Variants in KCNH5 observed in about 807,000 individuals in gnomAD.
KCNH5 encodes voltage-gated delayed rectifier potassium channel KCNH5.
A neutral mutation model predicts 96.1 loss-of-function variants in KCNH5; 46 were observed. That is an observed-to-expected ratio of 0.48 (90% confidence interval 0.38 to 0.61). The LOEUF is 0.61. Among genes scored for constraint, KCNH5 ranks in the 20% least tolerant of loss-of-function variants. The probability of loss-of-function intolerance (pLI) is 0.00; values close to 1 mark genes in which losing one functional copy is unlikely to be tolerated. For synonymous variants in KCNH5, 439 were observed against 449.8 expected (o/e 0.98, Z 0.30); for missense variants, 907 against 1,225.8 (o/e 0.74, Z 3.88).
intron 8 of KCNH5, among the ~76,000 whole-genome samples, chr14:62,831,619 A>G (rs1033653220): frequency 2.6e-5 from 4 of 152,150 alleles, no homozygotes; most frequent in Non-Finnish European, 5.9e-5. Context: ...TGTGTTGCTA[A>G]TGCTTTACTG....
chr14:62,820,571 A>G lies in KCNH5; in HGVS notation c.1570-17990T>C, dbSNP rs564326579. Among the ~76,000 whole-genome samples the G allele has an allele frequency of 7.2e-5, 11 of 152,144 alleles. No homozygotes were observed. The South Asian group carries it at 1.7e-3, about 23-fold the overall frequency. On this transcript the variant is annotated intron_variant, in intron 8 of 10. Transcript: ENST00000322893. ...TGTGCTCATCATTTAGCTCTCCCTT[A>G]TAAGTGAGAACATGCAGTATTTGGT...
rs189427138 is a variant in KCNH5 at position 62,952,375 on chromosome 14, G to A, written c.943-1816C>T. Reference sequence around the variant, plus strand: ...GAAGGCTTGAAAGCTTTCAAAAATGGAACAGTGCAGTCATCAACAAGTAAT... The same window carrying A: ...GAAGGCTTGAAAGCTTTCAAAAATGAAACAGTGCAGTCATCAACAAGTAAT... On this transcript the variant is annotated intron_variant, in intron 6 of 10. Coordinates refer to ENST00000322893, the MANE Select transcript of KCNH5 (RefSeq NM_139318.5). 3.6e-3 allele frequency among the ~76,000 whole-genome samples: 555 copies of A among 152,238 alleles called. 5 individuals are homozygous for A. Among genetic ancestry groups the A allele is most frequent in the Middle Eastern group, 6.8e-3 (2 of 294 alleles).
intron 7 of KCNH5, among the ~76,000 whole-genome samples, chr14:62,913,077 T>C (rs1172982388): frequency 6.6e-6 from 1 of 152,212 alleles, no homozygotes; most frequent in Non-Finnish European, 1.5e-5. Flanking sequence ...AATTTTTGTC[T>C]AAGGAGTCAA....
At chr14:62,964,712 T>C (rs1412096402) in intron 6 of KCNH5, among the ~76,000 whole-genome samples, 4 of 152,154 alleles carry the variant, frequency 2.6e-5, no homozygotes, top group Non-Finnish European at 4.4e-5. Flanking sequence ...CAGGAATGTC[T>C]TTCTCAAAGA....
In KCNH5 at chr14:63,045,355, T is replaced by C; in HGVS notation, c.-169A>G. The C allele has an allele frequency of 4.7e-6, 3 of 638,190 alleles. No individual in the cohort carries two copies. The allele number at this position is 638,190 out of a possible 1,614,324, so 39.5% of individuals were successfully genotyped here. ...GACTGTGTCTCCAGCCCGACCCGGA[T>C]GAGCAGCTCTGGGGAGGAGGACCAG... On this transcript the variant is annotated 5_prime_UTR_variant, in exon 1 of 11. Transcript: ENST00000322893.
At chr14:62,708,904 A>G (rs1462889272) in intron 10 of KCNH5, among the ~76,000 whole-genome samples, 1 of 152,206 alleles carries the variant, frequency 6.6e-6, no homozygotes, top group African/African-American at 2.4e-5. Flanking sequence ...CCACTTTTGT[A>G]TGATTTTCCT....
At chr14:62,890,554 C>T (rs1888687912) in intron 7 of KCNH5, among the ~76,000 whole-genome samples, 1 of 150,564 alleles carries the variant, frequency 6.6e-6, no homozygotes, top group Admixed American at 6.6e-5. Flanking sequence ...AAAAAATTAG[C>T]CGGGCGTGGT....
chr14:62,999,803 T>G (rs1047333910), intron 4 of KCNH5, among the ~76,000 whole-genome samples: 1 of 149,322 alleles, frequency 6.7e-6, no homozygotes, highest in African/African-American at 2.5e-5. Flanking sequence ...GAATGGCACA[T>G]GTATACATAT....
chr14:62,867,021 T>C (rs77862426), intron 7 of KCNH5, among the ~76,000 whole-genome samples: 16,363 of 152,188 alleles, frequency 0.11, 1,148 homozygotes, highest in East Asian at 0.27. Flanking sequence ...AATGTGGATC[T>C]ACCATTTACC....
intron 9 of KCNH5, among the ~76,000 whole-genome samples, chr14:62,794,692 G>A (rs1168621544): frequency 1.3e-5 from 2 of 152,022 alleles, no homozygotes; most frequent in Non-Finnish European, 2.9e-5. Flanking sequence ...TTAAAAGTTT[G>A]TTAAGGAATA....
intron 8 of KCNH5, among the ~76,000 whole-genome samples, chr14:62,825,120 C>G (rs1480754593): frequency 6.6e-6 from 1 of 151,944 alleles, no homozygotes; most frequent in Non-Finnish European, 1.5e-5. Flanking sequence ...TGCATATATA[C>G]CTAGTAATTG....
At chr14:62,747,060 G>A (rs1471583228) in intron 10 of KCNH5, among the ~76,000 whole-genome samples, 4 of 152,206 alleles carry the variant, frequency 2.6e-5, no homozygotes, top group Admixed American at 6.5e-5. Flanking sequence ...CAGGCCGGAC[G>A]CGGCGGCTCA....
At chr14:62,975,935 A>T (rs1243205513) in intron 6 of KCNH5, among the ~76,000 whole-genome samples, 1 of 152,178 alleles carries the variant, frequency 6.6e-6, no homozygotes, top group East Asian at 1.9e-4. Context: ...CGGATCAAAT[A>T]CACACCAACC....
intron 7 of KCNH5, among the ~76,000 whole-genome samples, chr14:62,894,705 TTGTA>T (rs1888777614): frequency 6.6e-6 from 1 of 152,346 alleles, no homozygotes; most frequent in Admixed American, 6.5e-5. Context: ...AAAAGGTTAA[TTGTA>T]TGTCATTTTT....
chr14:62,868,004 C>T (rs4902192), intron 7 of KCNH5, among the ~76,000 whole-genome samples: 16,410 of 152,286 alleles, frequency 0.11, 1,155 homozygotes, highest in East Asian at 0.27. Flanking sequence ...TATAACCTGA[C>T]GCTCTCTCCA....
intron 7 of KCNH5, among the ~76,000 whole-genome samples, chr14:62,920,959 A>G (rs1484061945): frequency 1.3e-5 from 2 of 152,180 alleles, no homozygotes; most frequent in Admixed American, 6.5e-5. Flanking sequence ...AAGCTATTAA[A>G]TGCATTAATT....
intron 7 of KCNH5, among the ~76,000 whole-genome samples, chr14:62,909,707 C>T (rs1195142090): frequency 6.6e-6 from 1 of 151,988 alleles, no homozygotes; most frequent in Non-Finnish European, 1.5e-5. Context: ...TTCCTTTGCT[C>T]ACCCGCCACC....
chr14:62,842,372 G>GAGAGA (rs201817749), intron 8 of KCNH5, among the ~76,000 whole-genome samples: 1,869 of 152,290 alleles, frequency 0.012, 46 homozygotes, highest in African/African-American at 0.043. Context: ...CACATAAAAT[G>GAGAGA]TGTAGGTCAG....
chr14:62,983,569 G>T (rs949104697), intron 5 of KCNH5, among the ~76,000 whole-genome samples: 1 of 152,072 alleles, frequency 6.6e-6, no homozygotes, highest in Non-Finnish European at 1.5e-5. Flanking sequence ...TGGGGCCCTG[G>T]ACACTGTGCC....
Sources: gnomAD v4.1 joint callset for allele counts (sites outside exome capture counted in the v4.1 genomes callset) on GRCh38, gnomAD v4.1.1 for gene constraint, MANE v1.5 for transcripts, NCBI Gene and HGNC (gene_info 2026-07-23, HGNC 2026-07-21) for gene names.